Variants in LRP1B observed in about 807,000 individuals in gnomAD.
LRP1B encodes LDL receptor related protein 1B.
In LRP1B, 217 loss-of-function variants were observed where a neutral mutation model predicts 556.6. That is an observed-to-expected ratio of 0.39 (90% CI 0.35 to 0.44). The LOEUF (loss-of-function observed/expected upper bound fraction) is 0.44. Among genes scored for constraint, LRP1B ranks in the 20% least tolerant of loss-of-function variants. The probability of loss-of-function intolerance (pLI) is 1.00; values close to 1 mark genes in which losing one functional copy is unlikely to be tolerated. For missense variants in LRP1B, 5,053 were observed against 5,620.8 expected (o/e 0.90, Z 3.23); for synonymous variants, 2,047 against 1,865.8 (o/e 1.10, Z -2.50).
intron 1 of LRP1B, among the ~76,000 whole-genome samples, chr2:141,990,704 T>A (rs1702319593): frequency 6.6e-6 from 1 of 152,094 alleles, no homozygotes; most frequent in African/African-American, 2.4e-5. Flanking sequence ...TGATTTTTAA[T>A]GCATACAATA....
intron 2 of LRP1B, among the ~76,000 whole-genome samples, chr2:141,677,979 A>C (rs950157251): frequency 6.6e-6 from 1 of 152,144 alleles, no homozygotes; most frequent in African/African-American, 2.4e-5. Flanking sequence ...GGACAAGGGG[A>C]TGTAATAGAT....
At chr2:140,430,300 A>T (rs1459119890) in intron 66 of LRP1B, among the ~76,000 whole-genome samples, 1 of 152,182 alleles carries the variant, frequency 6.6e-6, no homozygotes, top group African/African-American at 2.4e-5. Flanking sequence ...GTCAATATTT[A>T]TACTGATTCT....
In LRP1B at chr2:141,245,589, A is replaced by G. The variant is rs150777986; in HGVS notation, c.592+1637T>C. 2.4e-3 allele frequency among the ~76,000 whole-genome samples: 363 copies of G among 152,324 alleles called. 1 individual carries two copies. The highest frequency in any genetic ancestry group is 3.2e-3 in the Non-Finnish European group (221 of 68,032). The stretch of plus-strand genomic sequence containing the variant: ...AGGAAGTTAGAAGAAGCCAGATGGA[A>G]TATTCTGTATAGTATTTCCTTATGT... On this transcript the variant is annotated intron_variant, in intron 5 of 90. Transcript: ENST00000389484.
chr2:140,892,706 G>T (rs1321523405), intron 23 of LRP1B, among the ~76,000 whole-genome samples: 1 of 152,082 alleles, frequency 6.6e-6, no homozygotes, highest in Non-Finnish European at 1.5e-5. Context: ...AAGAATGCCG[G>T]TAAATGTATG....
chr2:142,118,886 G>A (rs1390189630), intron 1 of LRP1B, among the ~76,000 whole-genome samples: 4 of 151,978 alleles, frequency 2.6e-5, no homozygotes, highest in Admixed American at 6.6e-5. Context: ...TAAAATTTTG[G>A]TATGTGTTTC....
intron 2 of LRP1B, among the ~76,000 whole-genome samples, chr2:141,659,966 A>G (rs1690151509): frequency 6.6e-6 from 1 of 152,184 alleles, no homozygotes; most frequent in Admixed American, 6.5e-5. Context: ...AAGATAAATT[A>G]GCAGAAGAGA....
chr2:141,187,704 A>G (rs1217143111), intron 7 of LRP1B, among the ~76,000 whole-genome samples: 1 of 152,046 alleles, frequency 6.6e-6, no homozygotes, highest in Admixed American at 6.6e-5. Context: ...TCATATGAAC[A>G]AAGATGATGG....
intron 7 of LRP1B, among the ~76,000 whole-genome samples, chr2:141,069,330 T>A (rs1349429991): frequency 2.6e-5 from 4 of 152,216 alleles, no homozygotes; most frequent in African/African-American, 4.8e-5. Flanking sequence ...GCACTAAAAA[T>A]GTGGAGAAAT....
At chr2:141,306,910 A>T (rs914787775) in intron 3 of LRP1B, among the ~76,000 whole-genome samples, 3 of 152,082 alleles carry the variant, frequency 2.0e-5, no homozygotes, top group African/African-American at 7.2e-5. Context: ...ATATTTGTTC[A>T]GTTTCCAAAG....
chr2:141,125,629 C>G (rs1446332343), intron 7 of LRP1B, among the ~76,000 whole-genome samples: 1 of 152,116 alleles, frequency 6.6e-6, no homozygotes, highest in Non-Finnish European at 1.5e-5. Context: ...CTGATATGCT[C>G]TAGCTAAGAA....
chr2:140,329,007 T>C (rs917778754), intron 79 of LRP1B, among the ~76,000 whole-genome samples: 2 of 152,086 alleles, frequency 1.3e-5, no homozygotes, highest in Non-Finnish European at 2.9e-5. Context: ...TTCTTAGAAA[T>C]TGCTGCAATC....
intron 2 of LRP1B, chr2:141,805,403 T>C (rs1167361509): frequency 2.0e-5 from 3 of 152,062 alleles, no homozygotes; most frequent in Non-Finnish European, 4.4e-5. Flanking sequence ...TAACATGCAG[T>C]CAAATGCAAT....
At position 141,480,536 on chromosome 2, in the gene LRP1B, G is replaced by GAAAAGATGT; in HGVS notation, c.206-12_206-4dup. 6.2e-7 allele frequency: 1 copy of GAAAAGATGT among 1,613,644 alleles called. No homozygotes were observed. The highest frequency in any genetic ancestry group is 1.3e-5 in the African/African-American group (1 of 75,012). ...CTTGATTTCTACCTCCTCGGGACCT[G>GAAAAGATGT]AAAAGATGTAAAAAAGAACAGAATT... is the stretch of plus-strand genomic sequence containing the variant. On this transcript the variant is annotated splice_polypyrimidine_tract_variant and splice_region_variant and intron_variant, in intron 2 of 90. Transcript: ENST00000389484.
chr2:141,503,983 G>A (rs1382840504), intron 2 of LRP1B, among the ~76,000 whole-genome samples: 2 of 152,180 alleles, frequency 1.3e-5, no homozygotes, highest in East Asian at 1.9e-4. Flanking sequence ...TATTTTACAA[G>A]GCTAACTCCG....
At chr2:141,432,412 GT>G (rs1680595313) in intron 3 of LRP1B, among the ~76,000 whole-genome samples, 1 of 151,938 alleles carries the variant, frequency 6.6e-6, no homozygotes, top group African/African-American at 2.4e-5. Flanking sequence ...TTCTTGTAAT[GT>G]TTTTATCTGG....
At chr2:141,819,715 A>G (rs7603188) in intron 1 of LRP1B, among the ~76,000 whole-genome samples, 26,927 of 152,136 alleles carry the variant, frequency 0.18, 2,614 homozygotes, top group Admixed American at 0.26. Flanking sequence ...TAACAATAAT[A>G]TAATTTCAAA....
rs1298965755 is a variant in LRP1B at position 141,509,578 on chromosome 2, AAACAAAC to A, written c.206-29052_206-29046del. Among the ~76,000 whole-genome samples the A allele has an allele frequency of 1.6e-3, 240 of 152,186 alleles. 1 individual carries two copies. The highest frequency in any genetic ancestry group is 5.5e-3 in the African/African-American group (227 of 41,510). On this transcript the variant is annotated intron_variant, in intron 2 of 90. Coordinates refer to ENST00000389484, the MANE Select transcript of LRP1B (RefSeq NM_018557.3). ...GGTACTAGAGCTCAAACAAACAAACAAACAAACAAAATGCCTTCCAAGTCAAACTTTG... is the reference window on the plus strand; with the variant it reads ...GGTACTAGAGCTCAAACAAACAAACAAAAATGCCTTCCAAGTCAAACTTTG...
At chr2:140,884,148 C>T (rs16844912) in intron 24 of LRP1B, 127 bp from the exon 25 acceptor site, 45,870 of 831,866 alleles carry the variant, frequency 0.055, 1,416 homozygotes, top group East Asian at 0.075. Context: ...TGAGAGATTG[C>T]AAAAGTGCTA....
At chr2:141,681,429 G>T (rs560551642) in intron 2 of LRP1B, among the ~76,000 whole-genome samples, 1 of 151,972 alleles carries the variant, frequency 6.6e-6, no homozygotes, top group South Asian at 2.1e-4. Flanking sequence ...CAATCCTAGA[G>T]TTTTCCAAAT....
Sources: allele counts gnomAD v4.1 joint callset (sites outside exome capture counted in the v4.1 genomes callset), GRCh38; gene constraint gnomAD v4.1.1; transcripts MANE v1.5; gene names NCBI Gene and HGNC (gene_info 2026-07-23, HGNC 2026-07-21).